The following SLC6A19 variants were observed in gnomAD, a reference collection of about 807,000 sequenced individuals.
The protein encoded by SLC6A19 is sodium-dependent neutral amino acid transporter B(0)AT1.
A neutral mutation model predicts 68.3 loss-of-function variants in SLC6A19; 67 were observed. The ratio of observed to expected loss-of-function variants is 0.98; its 90% CI spans 0.81 to 1.20. The LOEUF is 1.20. Among genes scored for constraint, SLC6A19 ranks in the 50% most tolerant of loss-of-function variants. The pLI is 0.00. For synonymous variants in SLC6A19, 392 were observed against 374.9 expected, an observed-to-expected ratio of 1.05 and a Z score of -0.53; for missense variants, 813 against 851.6, an observed-to-expected ratio of 0.95 and a Z score of 0.56.
Position 1,208,786 on chromosome 5 carries a change from G to A in SLC6A19, c.243G>A (p.Glu81=), listed in dbSNP as rs1231923780. The part of the protein sequence containing the change: ...MIPFLILLVL[E]GIPLLYLEFA... ...CGTTCCTCATCCTGCTGGTCCTGGA[G>A]GGCATCCCCCTGCTGTACCTGGAGT... Residue 81 remains glutamate, a synonymous_variant, in exon 2 of 12, where the codon GAG becomes GAA. Transcript: ENST00000304460. 6.2e-7 allele frequency: 1 copy of A among 1,613,458 alleles called. No individual in the cohort carries two copies. The highest frequency in any genetic ancestry group is 1.7e-5 in the Admixed American group (1 of 60,032).
chr5:1,202,568 G>A (rs1745740191), intron 1 of SLC6A19, among the ~76,000 whole-genome samples: 1 of 152,206 alleles, frequency 6.6e-6, no homozygotes, highest in South Asian at 2.1e-4. Flanking sequence ...CTTGAACTCA[G>A]CCTTGGGCTT....
At chr5:1,219,951 T>C (rs1318320539) in intron 10 of SLC6A19, among the ~76,000 whole-genome samples, 1 of 152,072 alleles carries the variant, frequency 6.6e-6, no homozygotes, top group Non-Finnish European at 1.5e-5. Context: ...TCGAGGCCAC[T>C]GCAGGGCCCA....
At chr5:1,218,046 C>T (rs1033644429) in intron 8 of SLC6A19, among the ~76,000 whole-genome samples, 5 of 138,424 alleles carry the variant, frequency 3.6e-5, no homozygotes, top group South Asian at 2.4e-4. Context: ...TGCCTCCTCC[C>T]GCCTCCTCCC....
chr5:1,216,672 C>G lies in SLC6A19; in HGVS notation c.1002C>G (p.Asp334Glu). 1 of 1,613,866 alleles carries G rather than the reference C, an allele frequency of 6.2e-7. No homozygotes were observed. The highest frequency in any genetic ancestry group is 2.2e-5 in the East Asian group (1 of 44,872). The change falls in exon 7 of 12, where the codon GAC (aspartate) becomes GAG (glutamate). Residue 334 changes from aspartate (D) to glutamate (E), a missense_variant. Coordinates refer to ENST00000304460, the MANE Select transcript of SLC6A19 (RefSeq NM_001003841.3). Reference protein sequence around the residue: ...VIGFRATQRYDDCFSTNILTL... With the variant: ...VIGFRATQRYEDCFSTNILTL... ...GGTTCCGCGCCACACAGCGCTACGA[C>G]GACTGCTTCAGCACGTGAGTGGCTG...
chr5:1,203,935 C>T (rs964526057), intron 1 of SLC6A19, among the ~76,000 whole-genome samples: 2 of 152,180 alleles, frequency 1.3e-5, no homozygotes, highest in Non-Finnish European at 2.9e-5. Context: ...TGAAAGGACC[C>T]GGCGACACAG....
Position 1,214,175 on chromosome 5 carries a change from T to TGCTGCCCCGATGGGCCCGTTCCCTC in SLC6A19, c.887+111_887+135dup, listed in dbSNP as rs1746137347. Reference sequence around the variant, plus strand: ...CTCTGTGGCTGTGTGGCCGGGGCCTTGCTGCCCCGATGGGCCCGTTCCCTC... The same window carrying TGCTGCCCCGATGGGCCCGTTCCCTC: ...CTCTGTGGCTGTGTGGCCGGGGCCTTGCTGCCCCGATGGGCCCGTTCCCTCGCTGCCCCGATGGGCCCGTTCCCTC... On this transcript the variant is annotated intron_variant, in intron 6 of 11. Coordinates refer to ENST00000304460, the MANE Select transcript of SLC6A19 (RefSeq NM_001003841.3). The surrounding 1 kb of genome is among the most constrained non-coding windows in gnomAD (Gnocchi z 7.4). The TGCTGCCCCGATGGGCCCGTTCCCTC allele has an allele frequency of 6.4e-7, 1 of 1,555,582 alleles. No homozygotes were observed. The highest frequency in any genetic ancestry group is 1.4e-5 in the African/African-American group (1 of 73,350).
Position 1,224,495 on chromosome 5 carries a change from T to C in SLC6A19, c.*2591T>C, listed in dbSNP as rs1248775850. 1 of 152,334 alleles carries C rather than the reference T, an allele frequency of 6.6e-6. No individual in the cohort carries two copies. The highest frequency in any genetic ancestry group is 1.5e-5 in the Non-Finnish European group (1 of 68,128). 9.4% of individuals were successfully genotyped at this position (152,334 alleles called of 1,614,324 possible). The stretch of plus-strand genomic sequence containing the variant: ...CCTGCCTCCTCCTGGGGGGTCTGGC[T>C]TTGGGGGCTTGCTCCGAAGAGGCCA... On this transcript the variant is annotated 3_prime_UTR_variant, in exon 12 of 12. Coordinates refer to ENST00000304460, the MANE Select transcript of SLC6A19 (RefSeq NM_001003841.3).
rs535001647 is a variant in SLC6A19, at chr5:1,212,488, C to A, written c.663+4C>A. ...CGGCATCGAGACCACCGGGAAGGTA[C>A]TGCATGGGCCCGGCCAGGCTGCAGG... is the stretch of plus-strand genomic sequence containing the variant. On this transcript the variant is annotated splice_donor_region_variant and intron_variant, in intron 4 of 11. Coordinates refer to ENST00000304460, the MANE Select transcript of SLC6A19 (RefSeq NM_001003841.3). This position sits in a 1 kb window ranked among gnomAD's most constrained non-coding sequence, Gnocchi z 5.1. 1.7e-5 allele frequency: 27 copies of A among 1,606,066 alleles called. No individual in the cohort carries two copies. Among genetic ancestry groups the A allele is most frequent in the Non-Finnish European group, 2.1e-5 (25 of 1,179,798 alleles).
chr5:1,219,079 C>A lies in SLC6A19; in HGVS notation c.1350C>A (p.Pro450=). 2 of 1,613,728 alleles carry A rather than the reference C, an allele frequency of 1.2e-6. No homozygotes were observed. Residue 450 remains proline, a synonymous_variant, in exon 9 of 12, where the codon CCC becomes CCA. Transcript: ENST00000304460. ...CCCTGCAGGACCTCAGAGTCATCCC[C>A]CCGAAGTGGCCCAAGGAGGTGCTCA... The part of the protein sequence containing the change: ...VVPLQDLRVI[P]PKWPKEVLTG...
Position 1,219,593 on chromosome 5 carries a change from C to G in SLC6A19, c.1467C>G (p.Ala489=), listed in dbSNP as rs745709690. ...GGCTCTCCCTGCTGGACAGCTATGC[C>G]GGCTCCATTCCCCTGCTCATCATCG... The part of the protein sequence containing the change: ...QYWLSLLDSY[A]GSIPLLIIAF... Residue 489 remains alanine (A), a synonymous_variant, in exon 10 of 12, where the codon GCC becomes GCG. Coordinates refer to ENST00000304460, the MANE Select transcript of SLC6A19 (RefSeq NM_001003841.3). 2.5e-6 allele frequency: 4 copies of G among 1,611,404 alleles called. No individual in the cohort carries two copies. In the African/African-American group the frequency reaches 4.0e-5, roughly 16 times the overall value.
chr5:1,222,587 T>C lies in SLC6A19; in HGVS notation c.*683T>C. ...GTGTCTGTACCTGTTTGTGTATATG[T>C]GTGTGATGTGTGCTCGTGTGTGTGC... On this transcript the variant is annotated 3_prime_UTR_variant, in exon 12 of 12. Coordinates refer to ENST00000304460, the MANE Select transcript of SLC6A19 (RefSeq NM_001003841.3). 2 of 326,742 alleles carry C rather than the reference T, an allele frequency of 6.1e-6. No homozygotes were observed. The highest frequency in any genetic ancestry group is 1.1e-5 in the Non-Finnish European group (2 of 177,812). 20.2% of individuals were successfully genotyped at this position (326,742 alleles called of 1,614,324 possible). A position where few individuals can be genotyped will look rare whatever the true frequency, so the allele number is the denominator to read the frequency against.
At position 1,210,582 on chromosome 5, in the gene SLC6A19, G is replaced by T; in HGVS notation, c.481+1G>T. ...TGCCCGCTCAACGAGAACCAGACAG[G>T]TGAGTCCTTGCAAGCAGCCCCATCC... is the stretch of plus-strand genomic sequence containing the variant. On this transcript the variant is annotated splice_donor_variant, in intron 3 of 11. Transcript: ENST00000304460. LOFTEE classifies it high-confidence loss of function. The T allele has an allele frequency of 6.2e-7, 1 of 1,612,562 alleles. No homozygotes were observed. The highest frequency in any genetic ancestry group is 8.5e-7 in the Non-Finnish European group (1 of 1,180,014).
chr5:1,218,823 C>T lies in SLC6A19; in HGVS notation c.1174-80C>T, dbSNP rs184706085. 1,725 of 1,486,542 alleles carry T rather than the reference C, an allele frequency of 1.2e-3. 2 individuals are homozygous for T. Among genetic ancestry groups the T allele is most frequent in the Non-Finnish European group, 1.5e-3 (1,661 of 1,082,464 alleles). 92.1% of individuals were successfully genotyped at this position (1,486,542 alleles called of 1,614,324 possible). ...GCCCGCCCCATGCTGCGTGGCTTGG[C>T]GACGCACGAGACCTCGGGCGGGGAG... On this transcript the variant is annotated intron_variant, in intron 8 of 11. Coordinates refer to ENST00000304460, the MANE Select transcript of SLC6A19 (RefSeq NM_001003841.3).
In SLC6A19 at chr5:1,224,904, G is replaced by C. The variant is rs938866779; in HGVS notation, c.*3000G>C. ...CTGCCCCCACGCACGGTGGGTGCCT[G>C]TCACCCTGTCCTGCCCAGCGGCCCG... On this transcript the variant is annotated 3_prime_UTR_variant, in exon 12 of 12. Coordinates refer to ENST00000304460, the MANE Select transcript of SLC6A19 (RefSeq NM_001003841.3). The C allele has an allele frequency of 3.2e-5, 5 of 154,882 alleles. No individual in the cohort carries two copies. The highest frequency in any genetic ancestry group is 3.1e-4 in the Admixed American group (5 of 15,918). 9.6% of individuals were successfully genotyped at this position (154,882 alleles called of 1,614,324 possible). A position where few individuals can be genotyped will look rare whatever the true frequency, so the allele number is the denominator to read the frequency against.
At chr5:1,210,294 C>T (rs1198587100) in intron 2 of SLC6A19, 150 bp from the exon 3 acceptor site, 25 of 1,110,048 alleles carry the variant, frequency 2.3e-5, no homozygotes, top group Admixed American at 8.2e-5. Flanking sequence ...TGCATGATCC[C>T]GGCCTGCACT....
rs775407906 is a variant in SLC6A19 at position 1,212,469 on chromosome 5, C to G, written c.648C>G (p.Ile216Met). The change falls in exon 4 of 12, where the codon ATC (isoleucine) becomes ATG (methionine). Residue 216 changes from isoleucine to methionine, a missense_variant. Coordinates refer to ENST00000304460, the MANE Select transcript of SLC6A19 (RefSeq NM_001003841.3). This position sits in a 1 kb window ranked among gnomAD's most constrained non-coding sequence, Gnocchi z 5.1. The stretch of plus-strand genomic sequence containing the variant: ...TGTACATGTGCACCATCCGCGGCAT[C>G]GAGACCACCGGGAAGGTACTGCATG... ...SVLYMCTIRGIETTGKAVYIT... is the reference protein window; with the variant it reads ...SVLYMCTIRGMETTGKAVYIT... The G allele has an allele frequency of 1.2e-6, 2 of 1,607,550 alleles. No individual in the cohort carries two copies. Among genetic ancestry groups the G allele is most frequent in the Non-Finnish European group, 1.7e-6 (2 of 1,179,844 alleles).
At position 1,201,803 on chromosome 5, in the gene SLC6A19, C is replaced by T. The variant is rs1455045629; in HGVS notation, c.153C>T (p.Gly51=). 9.3e-6 allele frequency: 15 copies of T among 1,612,554 alleles called. No individual in the cohort carries two copies. The highest frequency in any genetic ancestry group is 1.2e-5 in the Non-Finnish European group (14 of 1,179,896). The change falls in exon 1 of 12, where the codon GGC becomes GGT. Residue 51 remains glycine, a synonymous_variant. Coordinates refer to ENST00000304460, the MANE Select transcript of SLC6A19 (RefSeq NM_001003841.3). ...YMLTCLGFCV[G]LGNVWRFPYL... ...TCACCTGCCTGGGCTTCTGCGTGGGCCTCGGCAACGTGTGGCGCTTCCCCT... is the reference window on the plus strand; with the variant it reads ...TCACCTGCCTGGGCTTCTGCGTGGGTCTCGGCAACGTGTGGCGCTTCCCCT...
At chr5:1,208,643 G>T in intron 1 of SLC6A19, 103 bp from the exon 2 acceptor site, 1 of 1,526,506 alleles carries the variant, frequency 6.6e-7, no homozygotes, top group South Asian at 1.1e-5. Flanking sequence ...TGGTGGGCCG[G>T]CCATAGGGGC....
intron 1 of SLC6A19, among the ~76,000 whole-genome samples, chr5:1,203,486 C>T (rs1266573535): frequency 1.3e-5 from 2 of 152,178 alleles, no homozygotes; most frequent in Non-Finnish European, 2.9e-5. Context: ...CTGGGATGTG[C>T]TGGGTCTCAG....
Sources: allele counts gnomAD v4.1 joint callset (sites outside exome capture counted in the v4.1 genomes callset), GRCh38; gene constraint gnomAD v4.1.1; non-coding constraint Gnocchi (gnomAD v3.1); transcripts MANE v1.5; gene names NCBI Gene and HGNC (gene_info 2026-07-23, HGNC 2026-07-21).